SLC14A2: variants seen among roughly 807,000 people sequenced by gnomAD.
SLC14A2 encodes the protein solute carrier family 14 member 2.
SLC14A2 carries 91 observed loss-of-function variants against 104.6 expected under a neutral mutation model. The ratio of observed to expected loss-of-function variants is 0.87; its 90% CI spans 0.73 to 1.04. The LOEUF (loss-of-function observed/expected upper bound fraction) is 1.04, where lower values mean the gene tolerates loss of function less well. SLC14A2 is among the 50% of genes least tolerant of loss of function. SLC14A2 has a pLI of 0.00. For synonymous variants in SLC14A2, 476 were observed against 466.4 expected, an observed-to-expected ratio of 1.02 and a Z score of -0.27; for missense variants, 1,189 against 1,156.0, an observed-to-expected ratio of 1.03 and a Z score of -0.41.
intron 1 of SLC14A2, among the ~76,000 whole-genome samples, chr18:45,476,723 A>G (rs553509814): frequency 6.6e-6 from 1 of 151,706 alleles, no homozygotes; most frequent in Non-Finnish European, 1.5e-5. Flanking sequence ...CCTTTATTTC[A>G]TTAAGTTGAT....
chr18:45,204,628 T>C, the SLC14A2 span, among the ~76,000 whole-genome samples: 1 of 152,188 alleles, frequency 6.6e-6, no homozygotes, highest in East Asian at 1.9e-4. Context: ...CAAGTGCTCA[T>C]TGGCATTAGC....
intron 1 of SLC14A2, among the ~76,000 whole-genome samples, chr18:45,225,814 T>C (rs1260781948): frequency 6.6e-6 from 1 of 152,076 alleles, no homozygotes; most frequent in Admixed American, 6.6e-5. Context: ...GTATAGGAAT[T>C]CTTGTGATTT....
chr18:45,432,347 T>A (rs11082446), intron 1 of SLC14A2, among the ~76,000 whole-genome samples: 84,871 of 151,888 alleles, frequency 0.56, 23,953 homozygotes, highest in Admixed American at 0.69. Context: ...GTTTTGGGAA[T>A]TCGCCATTAT....
chr18:45,512,413 C>T (rs1013449457), intron 2 of SLC14A2, among the ~76,000 whole-genome samples: 1 of 152,082 alleles, frequency 6.6e-6, no homozygotes, highest in African/African-American at 2.4e-5. Flanking sequence ...CAGAAAATTG[C>T]CTGATGCATA....
intron 1 of SLC14A2, among the ~76,000 whole-genome samples, chr18:45,264,112 C>G (rs1410232402): frequency 1.3e-5 from 2 of 152,164 alleles, no homozygotes; most frequent in Non-Finnish European, 2.9e-5. Context: ...GAGTATGAAT[C>G]AAATGTGTCA....
At chr18:45,591,641 A>G (rs2044647662) in intron 2 of SLC14A2, among the ~76,000 whole-genome samples, 1 of 152,206 alleles carries the variant, frequency 6.6e-6, no homozygotes, top group African/African-American at 2.4e-5. Context: ...AGCCGAGATA[A>G]CAATATTTCT....
intron 10 of SLC14A2, 132 bp downstream of exon 10, chr18:45,644,292 C>G: frequency 1.3e-6 from 1 of 751,160 alleles, no homozygotes; most frequent in Admixed American, 2.8e-5. Flanking sequence ...TAGAACCAAG[C>G]ACACCTGTAA....
chr18:45,502,423 G>A (rs2043212940), intron 2 of SLC14A2, among the ~76,000 whole-genome samples: 1 of 152,212 alleles, frequency 6.6e-6, no homozygotes, highest in African/African-American at 2.4e-5. Flanking sequence ...CTGGCATGCT[G>A]TAGGTGTTTG....
intron 1 of SLC14A2, among the ~76,000 whole-genome samples, chr18:45,292,640 C>G (rs2084881102): frequency 6.6e-6 from 1 of 152,084 alleles, no homozygotes; most frequent in Admixed American, 6.6e-5. Flanking sequence ...AAATAGGGTC[C>G]CCCAAATAAG....
At chr18:45,343,997 C>T (rs560010600) in intron 1 of SLC14A2, among the ~76,000 whole-genome samples, 1 of 152,314 alleles carries the variant, frequency 6.6e-6, no homozygotes, top group African/African-American at 2.4e-5. Flanking sequence ...AAGAAAGCAA[C>T]ATTTGTGATG....
chr18:45,583,678 A>G (rs1359319577), intron 2 of SLC14A2, among the ~76,000 whole-genome samples: 1 of 152,236 alleles, frequency 6.6e-6, no homozygotes, highest in Non-Finnish European at 1.5e-5. Context: ...TGGGAAATAA[A>G]ACATATAGAA....
intron 1 of SLC14A2, among the ~76,000 whole-genome samples, chr18:45,345,085 C>G (rs1348932641): frequency 6.6e-6 from 1 of 152,062 alleles, no homozygotes; most frequent in Non-Finnish European, 1.5e-5. Flanking sequence ...CATGTTCTGC[C>G]CAATTTCTCT....
At chr18:45,578,439 T>C (rs2044443837) in intron 2 of SLC14A2, among the ~76,000 whole-genome samples, 1 of 152,204 alleles carries the variant, frequency 6.6e-6, no homozygotes, top group African/African-American at 2.4e-5. Flanking sequence ...TCCATGTATA[T>C]TTTGGGAGTG....
At chr18:45,389,121 T>C (rs1012529547) in intron 1 of SLC14A2, among the ~76,000 whole-genome samples, 1 of 152,232 alleles carries the variant, frequency 6.6e-6, no homozygotes, top group Admixed American at 6.5e-5. Flanking sequence ...CCCTGGTATG[T>C]AGAGAAAACT....
intron 2 of SLC14A2, among the ~76,000 whole-genome samples, chr18:45,604,140 C>T (rs2044830187): frequency 6.6e-6 from 1 of 152,156 alleles, no homozygotes; most frequent in Admixed American, 6.5e-5. Flanking sequence ...TATGTAGTGC[C>T]ATTTTGTCAA....
intron 1 of SLC14A2, among the ~76,000 whole-genome samples, chr18:45,424,595 CT>C (rs2086397787): frequency 6.6e-6 from 1 of 152,258 alleles, no homozygotes; most frequent in African/African-American, 2.4e-5. Context: ...CCCACACTTG[CT>C]TTTTCATTGC....
chr18:45,424,417 G>A (rs187983452), intron 1 of SLC14A2, among the ~76,000 whole-genome samples: 1 of 152,184 alleles, frequency 6.6e-6, no homozygotes, highest in Non-Finnish European at 1.5e-5. Flanking sequence ...AACATGGAAG[G>A]GGGGATGCTA....
chr18:45,269,816 A>G (rs1260905927), intron 1 of SLC14A2, among the ~76,000 whole-genome samples: 1 of 152,162 alleles, frequency 6.6e-6, no homozygotes, highest in African/African-American at 2.4e-5. Flanking sequence ...GTCCAACTGT[A>G]TGAAACAAAG....
At chr18:45,261,349 T>A (rs550362279) in intron 1 of SLC14A2, among the ~76,000 whole-genome samples, 1 of 151,966 alleles carries the variant, frequency 6.6e-6, no homozygotes, top group South Asian at 2.1e-4. Flanking sequence ...GAACTCATTA[T>A]TTTTTATGGC....
Sources: gnomAD v4.1 joint callset for allele counts (sites outside exome capture counted in the v4.1 genomes callset) on GRCh38, gnomAD v4.1.1 for gene constraint, MANE v1.5 for transcripts, NCBI Gene and HGNC (gene_info 2026-07-23, HGNC 2026-07-21) for gene names.